FBXL4: variants seen among roughly 807,000 people sequenced by gnomAD.
FBXL4 encodes the protein F-box/LRR-repeat protein 4.
FBXL4 carries 40 observed loss-of-function variants against 58.9 expected under a neutral mutation model. That is an observed-to-expected ratio of 0.68 (90% CI 0.53 to 0.88). FBXL4 has a LOEUF of 0.88. Among genes scored for constraint, FBXL4 ranks in the 40% least tolerant of loss-of-function variants. The probability of loss-of-function intolerance (pLI) is 0.00; values close to 1 mark genes in which losing one functional copy is unlikely to be tolerated. For synonymous variants in FBXL4, 263 were observed against 265.5 expected (o/e 0.99, Z 0.09); for missense variants, 676 against 734.4 (o/e 0.92, Z 0.92).
chr6:98,917,582 T>A lies in FBXL4; in HGVS notation c.650A>T (p.Tyr217Phe). 6.2e-7 allele frequency: 1 copy of A among 1,614,024 alleles called. No homozygotes were observed. The highest frequency in any genetic ancestry group is 2.2e-5 in the East Asian group (1 of 44,870). Reference protein sequence around the residue: ...LEVNSSLLEYYTELDAVVLHG... With the variant: ...LEVNSSLLEYFTELDAVVLHG... The stretch of plus-strand genomic sequence containing the variant: ...TAGCACAACTGCATCTAATTCAGTG[T>A]AATATTCCAGAAGAGAACTATTTAC... Residue 217 changes from tyrosine (Y) to phenylalanine (F), a missense_variant, in exon 5 of 10, where the codon TAC becomes TTC. Tyr to Phe is a conservative substitution (Grantham distance 22). Coordinates refer to ENST00000369244, the MANE Select transcript of FBXL4 (RefSeq NM_001278716.2).
intron 4 of FBXL4, among the ~76,000 whole-genome samples, chr6:98,919,517 C>A (rs1455057245): frequency 6.6e-6 from 1 of 152,006 alleles, no homozygotes; most frequent in Admixed American, 6.6e-5. Flanking sequence ...CAGGCTGTGG[C>A]AGGTTTAATG....
intron 6 of FBXL4, among the ~76,000 whole-genome samples, chr6:98,904,515 T>C (rs195821): frequency 0.16 from 24,434 of 152,116 alleles, 2,281 homozygotes; most frequent in African/African-American, 0.26. Flanking sequence ...TTTTATAATC[T>C]AAGTTGAGGA....
chr6:98,915,587 T>C (rs1421220507), intron 5 of FBXL4, among the ~76,000 whole-genome samples: 1 of 151,596 alleles, frequency 6.6e-6, no homozygotes, highest in Non-Finnish European at 1.5e-5. Context: ...CCCTATTTAA[T>C]AAATGGTGCT....
intron 7 of FBXL4, among the ~76,000 whole-genome samples, chr6:98,887,082 C>T (rs1009301024): frequency 6.6e-6 from 1 of 151,984 alleles, no homozygotes; most frequent in Non-Finnish European, 1.5e-5. Context: ...GAACTCATCT[C>T]TACAAAAAAT....
At chr6:98,912,359 C>G (rs963783855) in intron 5 of FBXL4, among the ~76,000 whole-genome samples, 3 of 152,012 alleles carry the variant, frequency 2.0e-5, no homozygotes, top group African/African-American at 4.8e-5. Flanking sequence ...AGAGCAACTC[C>G]AAGACACATA....
chr6:98,883,309 T>G lies in FBXL4; in HGVS notation c.1318-2685A>C, dbSNP rs532224890. Among the ~76,000 whole-genome samples, 16 of 152,140 alleles carry G rather than the reference T, an allele frequency of 1.1e-4. No homozygotes were observed. In the South Asian group the frequency reaches 3.3e-3, roughly 31 times the overall value. On this transcript the variant is annotated intron_variant, in intron 7 of 9. Transcript: ENST00000369244. Reference sequence around the variant, plus strand: ...CCTTCTTGACTTCTGGAATTCTTTATTCATGCTGGATACCAATCTTTGTCA... The same window carrying G: ...CCTTCTTGACTTCTGGAATTCTTTAGTCATGCTGGATACCAATCTTTGTCA...
At chr6:98,907,693 A>AT (rs1328691976) in intron 5 of FBXL4, among the ~76,000 whole-genome samples, 1 of 152,154 alleles carries the variant, frequency 6.6e-6, no homozygotes, top group African/African-American at 2.4e-5. Flanking sequence ...TTTTAATTTA[A>AT]TGTATTTATC....
chr6:98,931,149 TC>T (rs1170178926), intron 2 of FBXL4, among the ~76,000 whole-genome samples: 1 of 152,176 alleles, frequency 6.6e-6, no homozygotes, highest in Non-Finnish European at 1.5e-5. Context: ...ACTAAGCTCC[TC>T]CCCCTTTCTT....
chr6:98,875,273 T>C (rs995792981), intron 9 of FBXL4, 142 bp downstream of exon 9: 21 of 724,558 alleles, frequency 2.9e-5, no homozygotes, highest in Non-Finnish European at 4.6e-5. Flanking sequence ...CTATCTTGCA[T>C]TTCCTATCAA....
At chr6:98,901,810 T>C (rs923405332) in intron 6 of FBXL4, among the ~76,000 whole-genome samples, 5 of 152,186 alleles carry the variant, frequency 3.3e-5, no homozygotes, top group African/African-American at 1.2e-4. Context: ...TATTTTTTCA[T>C]CTCAACTGTG....
chr6:98,936,792 G>C (rs1432800677), intron 1 of FBXL4, among the ~76,000 whole-genome samples: 1 of 152,144 alleles, frequency 6.6e-6, no homozygotes, highest in African/African-American at 2.4e-5. Context: ...ATTATAGCTG[G>C]ATCAACTGCA....
intron 7 of FBXL4, among the ~76,000 whole-genome samples, chr6:98,888,232 C>T (rs535115304): frequency 6.6e-6 from 1 of 152,298 alleles, no homozygotes; most frequent in East Asian, 1.9e-4. Context: ...TAAAGTTTTA[C>T]TGGAACACAG....
chr6:98,916,025 T>A (rs1772330795), intron 5 of FBXL4, among the ~76,000 whole-genome samples: 1 of 152,100 alleles, frequency 6.6e-6, no homozygotes, highest in African/African-American at 2.4e-5. Flanking sequence ...CAGACACTTC[T>A]CAAAAGAAGA....
At chr6:98,898,634 GA>G in intron 7 of FBXL4, 2 of 984,040 alleles carry the variant, frequency 2.0e-6, no homozygotes, top group Non-Finnish European at 2.4e-6. Context: ...ATGCACAGAA[GA>G]ATGTTAGTGC....
In FBXL4 at chr6:98,873,502, G is replaced by T. The variant is rs1252475469; in HGVS notation, c.*776C>A. The T allele has an allele frequency of 6.6e-6, 1 of 151,510 alleles. No individual in the cohort carries two copies. The highest frequency in any genetic ancestry group is 1.5e-5 in the Non-Finnish European group (1 of 67,926). The allele number at this position is 151,510 out of a possible 1,614,324, so 9.4% of individuals were successfully genotyped here. On this transcript the variant is annotated 3_prime_UTR_variant, in exon 10 of 10. Transcript: ENST00000369244. ...ATTTAGTAGTTTACCTCTTATTCTT[G>T]ATTATACCCAAATTTTTATATTGGC...
At chr6:98,901,833 T>C (rs1262200227) in intron 6 of FBXL4, among the ~76,000 whole-genome samples, 2 of 152,170 alleles carry the variant, frequency 1.3e-5, no homozygotes, top group African/African-American at 4.8e-5. Context: ...ACTGATCATT[T>C]GAAAGGAGAA....
At chr6:98,927,304 T>C (rs1772829593) in intron 3 of FBXL4, among the ~76,000 whole-genome samples, 1 of 152,172 alleles carries the variant, frequency 6.6e-6, no homozygotes, top group Admixed American at 6.5e-5. Context: ...TTGGAAGATA[T>C]ACAATCCAAA....
At chr6:98,938,020 T>C in intron 1 of FBXL4, among the ~76,000 whole-genome samples, 1 of 148,454 alleles carries the variant, frequency 6.7e-6, no homozygotes, top group East Asian at 2.0e-4. Context: ...TTGAAACCCT[T>C]CATCCTCCTC....
chr6:98,946,373 G>A (rs975987518), intron 1 of FBXL4, among the ~76,000 whole-genome samples: 17 of 152,144 alleles, frequency 1.1e-4, no homozygotes, highest in African/African-American at 3.9e-4. Flanking sequence ...AGAAGAAAAC[G>A]GAGGTGGATA....
Sources: gnomAD v4.1 joint callset for allele counts (sites outside exome capture counted in the v4.1 genomes callset) on GRCh38, gnomAD v4.1.1 for gene constraint, MANE v1.5 for transcripts, NCBI Gene and HGNC (gene_info 2026-07-23, HGNC 2026-07-21) for gene names.